FOCAD: variants seen among roughly 807,000 people sequenced by gnomAD.
FOCAD encodes KIAA1797.
In FOCAD, 198 loss-of-function variants were observed where a neutral mutation model predicts 225.6. That is an observed-to-expected ratio of 0.88 (90% confidence interval 0.78 to 0.99). The LOEUF (loss-of-function observed/expected upper bound fraction) is 0.99. Among genes scored for constraint, FOCAD ranks in the 50% least tolerant of loss-of-function variants. The pLI is 0.00. For synonymous variants in FOCAD, 897 were observed against 755.0 expected, an observed-to-expected ratio of 1.19 and a Z score of -3.08; for missense variants, 2,713 against 2,123.6, an observed-to-expected ratio of 1.28 and a Z score of -5.46.
chr9:20,720,397 G>A lies in FOCAD; in HGVS notation c.150G>A (p.Leu50=), dbSNP rs185574475. Residue 50 remains leucine, a synonymous_variant, in exon 4 of 44, where the codon TTG becomes TTA. Coordinates refer to ENST00000338382, the MANE Select transcript of FOCAD (RefSeq NM_001375567.1). ...GGTTTCAGACTCCTGCTTTGAACTT[G>A]CTGTGGGAGAAGTGTTGCAGTGACA... The part of the protein sequence containing the change: ...QSTNQTPALN[L]LWEKCCSDNV... 3 of 1,613,850 alleles carry A rather than the reference G, an allele frequency of 1.9e-6. No homozygotes were observed. In the African/African-American group the frequency reaches 4.0e-5, roughly 22 times the overall value.
At chr9:20,989,390 T>A (rs1841460261) in intron 41 of FOCAD, among the ~76,000 whole-genome samples, 1 of 152,182 alleles carries the variant, frequency 6.6e-6, no homozygotes, top group African/African-American at 2.4e-5. Context: ...ACTGAGAAAA[T>A]ACAGATAAGC....
In FOCAD at chr9:20,866,099, A is replaced by T. The variant is rs182806028; in HGVS notation, c.2106+123A>T. The T allele has an allele frequency of 8.3e-4, 650 of 784,212 alleles. 5 individuals carry two copies. Among genetic ancestry groups the T allele is most frequent in the Admixed American group, 5.4e-3 (164 of 30,434 alleles). The allele number at this position is 784,212 out of a possible 1,614,324, so 48.6% of individuals were successfully genotyped here. ...TTGAAATAATGGGTTCCCAATTTTT[A>T]AAAAAAGTGTGATTATTCATAAGTT... On this transcript the variant is annotated intron_variant, in intron 17 of 43. Coordinates refer to ENST00000338382, the MANE Select transcript of FOCAD (RefSeq NM_001375567.1).
At chr9:20,751,268 T>C (rs1188112730) in intron 5 of FOCAD, among the ~76,000 whole-genome samples, 24 of 144,588 alleles carry the variant, frequency 1.7e-4, no homozygotes, top group South Asian at 4.5e-4. Context: ...CACTAACTCG[T>C]CATCTAGCAT....
chr9:20,850,485 T>C (rs1827540215), intron 15 of FOCAD, among the ~76,000 whole-genome samples: 1 of 151,796 alleles, frequency 6.6e-6, no homozygotes, highest in Non-Finnish European at 1.5e-5. Flanking sequence ...TCTAATTGTA[T>C]AAACTTAGTA....
intron 35 of FOCAD, among the ~76,000 whole-genome samples, chr9:20,953,903 A>C (rs1271045862): frequency 6.6e-6 from 1 of 152,216 alleles, no homozygotes; most frequent in Non-Finnish European, 1.5e-5. Context: ...AAACAAAAAA[A>C]CTGGAAAAAA....
intron 19 of FOCAD, 74 bp downstream of exon 19, chr9:20,874,881 T>A: frequency 6.4e-7 from 1 of 1,555,882 alleles, no homozygotes; most frequent in South Asian, 1.1e-5. Context: ...TCTTTTGTGA[T>A]AGGTACATAG....
rs779792165 is a variant in FOCAD at position 20,823,143 on chromosome 9, A to C, written c.1920+28A>C. The C allele has an allele frequency of 3.1e-6, 5 of 1,590,874 alleles. 1 individual carries two copies. The highest frequency in any genetic ancestry group is 4.3e-6 in the Non-Finnish European group (5 of 1,170,386). Reference sequence around the variant, plus strand: ...AGGCATTTTTAAATTGCTTTGGATAATTTTGAAGAAAATCTTTTATAAGGC... The same window carrying C: ...AGGCATTTTTAAATTGCTTTGGATACTTTTGAAGAAAATCTTTTATAAGGC... On this transcript the variant is annotated intron_variant, in intron 15 of 43. Coordinates refer to ENST00000338382, the MANE Select transcript of FOCAD (RefSeq NM_001375567.1).
chr9:20,832,765 T>C (rs375077538), intron 15 of FOCAD, among the ~76,000 whole-genome samples: 15 of 152,198 alleles, frequency 9.9e-5, no homozygotes, highest in African/African-American at 3.1e-4. Context: ...GTTTCATCCA[T>C]GGTGTGGCAA....
intron 26 of FOCAD, 147 bp downstream of exon 26, chr9:20,926,564 A>T (rs1834968026): frequency 1.7e-6 from 1 of 573,608 alleles, no homozygotes; most frequent in Admixed American, 2.8e-5. Context: ...TGGGCGGATC[A>T]CCTGAGGTTG....
chr9:20,770,011 T>C lies in FOCAD; in HGVS notation c.700-21T>C, dbSNP rs760166572. 3 of 1,596,116 alleles carry C rather than the reference T, an allele frequency of 1.9e-6. No individual in the cohort carries two copies. The South Asian group carries it at 3.3e-5, about 18-fold the overall frequency. On this transcript the variant is annotated intron_variant, in intron 7 of 43. Transcript: ENST00000338382. ...TTGGTTTGTGTATTTTTTAATATCA[T>C]ATAATGACTTTTTTAAACAGGTAAA... is the stretch of plus-strand genomic sequence containing the variant.
intron 8 of FOCAD, among the ~76,000 whole-genome samples, chr9:20,777,071 A>G (rs749138005): frequency 1.8e-4 from 27 of 151,934 alleles, no homozygotes; most frequent in Non-Finnish European, 3.5e-4. Flanking sequence ...AAATTCACGA[A>G]TTTTTTTCTT....
Position 20,946,828 on chromosome 9 carries a change from C to G in FOCAD, c.3675+8C>G. ...GTGGAGAATAGCCAGCAGGTTGGAA[C>G]GTGTGCCCTGATTATTTCTCTCTGT... On this transcript the variant is annotated splice_region_variant and intron_variant, in intron 30 of 43. Coordinates refer to ENST00000338382, the MANE Select transcript of FOCAD (RefSeq NM_001375567.1). 6.2e-7 allele frequency: 1 copy of G among 1,612,722 alleles called. No homozygotes were observed. Among genetic ancestry groups the G allele is most frequent in the Non-Finnish European group, 8.5e-7 (1 of 1,179,194 alleles).
rs114855179 is a variant in FOCAD at position 20,991,773 on chromosome 9, G to A, written c.5256+1399G>A. Among the ~76,000 whole-genome samples the A allele has an allele frequency of 5.0e-3, 689 of 137,506 alleles. 4 individuals are homozygous for A. Among genetic ancestry groups the A allele is most frequent in the African/African-American group, 0.018 (649 of 36,374 alleles). 90.2% of individuals were successfully genotyped at this position (137,506 alleles called of 152,430 possible). A position where few individuals can be genotyped will look rare whatever the true frequency, so the allele number is the denominator to read the frequency against. ...GGTTGCAGTGAGTCGCAATCCCTCCGCTGCTCTGCAGCCTGGCTGACAGAT... is the reference window on the plus strand; with the variant it reads ...GGTTGCAGTGAGTCGCAATCCCTCCACTGCTCTGCAGCCTGGCTGACAGAT... On this transcript the variant is annotated intron_variant, in intron 42 of 43. Transcript: ENST00000338382.
At chr9:20,954,845 C>G (rs1277921709) in intron 35 of FOCAD, among the ~76,000 whole-genome samples, 1 of 152,122 alleles carries the variant, frequency 6.6e-6, no homozygotes, top group African/African-American at 2.4e-5. Context: ...AATGATGACC[C>G]CAGAGGAGTG....
chr9:20,820,292 T>C, intron 12 of FOCAD, 32 bp from the exon 13 acceptor site: 1 of 1,523,310 alleles, frequency 6.6e-7, no homozygotes, highest in Non-Finnish European at 9.0e-7. Flanking sequence ...CATTCAAGTT[T>C]ATGCAACTAG....
intron 35 of FOCAD, among the ~76,000 whole-genome samples, chr9:20,972,777 G>A (rs1440783331): frequency 6.6e-6 from 1 of 151,916 alleles, no homozygotes; most frequent in Non-Finnish European, 1.5e-5. Context: ...TCCTTCTGTT[G>A]ACTCTGCCCT....
At chr9:20,806,700 C>T (rs1452174389) in intron 11 of FOCAD, among the ~76,000 whole-genome samples, 2 of 152,156 alleles carry the variant, frequency 1.3e-5, no homozygotes, top group Admixed American at 1.3e-4. Context: ...TATTAATAAT[C>T]ATCTAAATTC....
intron 1 of FOCAD, among the ~76,000 whole-genome samples, chr9:20,700,724 A>G (rs1286305828): frequency 6.6e-6 from 1 of 152,256 alleles, no homozygotes; most frequent in Non-Finnish European, 1.5e-5. Context: ...TGAAAAAGAT[A>G]TAGATTCCTC....
chr9:20,671,886 C>A (rs1207143167), intron 2 of FOCAD, among the ~76,000 whole-genome samples: 2 of 152,112 alleles, frequency 1.3e-5, no homozygotes, highest in Non-Finnish European at 2.9e-5. Flanking sequence ...ATTGTGTACA[C>A]CTCTTTCAAA....
Sources: allele counts gnomAD v4.1 joint callset (sites outside exome capture counted in the v4.1 genomes callset), GRCh38; gene constraint gnomAD v4.1.1; transcripts MANE v1.5; gene names NCBI Gene and HGNC (gene_info 2026-07-23, HGNC 2026-07-21).